Variants in IGLL1 observed in about 807,000 individuals in gnomAD.
The protein encoded by IGLL1 is immunoglobulin lambda like polypeptide 1.
A neutral mutation model predicts 10.5 loss-of-function variants in IGLL1; 10 were observed. The ratio of observed to expected loss-of-function variants is 0.95; its 90% confidence interval spans 0.59 to 1.62. The LOEUF (loss-of-function observed/expected upper bound fraction) is 1.62. Ranked by LOEUF, IGLL1 falls within the 40% of genes most tolerant of loss-of-function variation. The pLI, the probability that IGLL1 is intolerant of heterozygous loss-of-function variation, is 0.00. For missense variants in IGLL1, 284 were observed against 278.7 expected (o/e 1.02, Z -0.14); for synonymous variants, 141 against 122.7 (o/e 1.15, Z -0.99).
intron 1 of IGLL1, among the ~76,000 whole-genome samples, chr22:23,579,591 G>C (rs921285351): frequency 9.9e-5 from 15 of 151,876 alleles, no homozygotes; most frequent in African/African-American, 1.9e-4. Context: ...AAAAGAGGAG[G>C]GGGGGGAGGA....
intron 1 of IGLL1, among the ~76,000 whole-genome samples, chr22:23,579,145 C>A (rs1473847638): frequency 6.6e-6 from 1 of 151,958 alleles, no homozygotes; most frequent in African/African-American, 2.4e-5. Context: ...GGGCTCTATC[C>A]CCGTCTGCAC....
intron 1 of IGLL1, among the ~76,000 whole-genome samples, chr22:23,577,340 G>A (rs538704800): frequency 8.6e-5 from 13 of 151,634 alleles, no homozygotes; most frequent in African/African-American, 2.9e-4. Context: ...GCAGTTGGAG[G>A]CCAGCCCAGG....
intron 1 of IGLL1, among the ~76,000 whole-genome samples, chr22:23,577,784 C>T (rs1569071565): frequency 6.6e-6 from 1 of 152,102 alleles, no homozygotes; most frequent in Admixed American, 6.5e-5. Context: ...AATCCCGCCT[C>T]AGCCTCCCAA....
In IGLL1 at chr22:23,573,221, A is replaced by G; in HGVS notation, c.*45T>C. 1.9e-6 allele frequency: 3 copies of G among 1,587,740 alleles called. No homozygotes were observed. Among genetic ancestry groups the G allele is most frequent in the Non-Finnish European group, 2.6e-6 (3 of 1,156,552 alleles). On this transcript the variant is annotated 3_prime_UTR_variant, in exon 3 of 3. Transcript: ENST00000330377. ...TGCAGAGAGAGACCCTTCCCCTGGGATCCTGCAGCTCCAGGCCCCTTTGGG... is the reference window on the plus strand; with the variant it reads ...TGCAGAGAGAGACCCTTCCCCTGGGGTCCTGCAGCTCCAGGCCCCTTTGGG...
At chr22:23,574,141 G>GC (rs2095432123) in intron 2 of IGLL1, among the ~76,000 whole-genome samples, 2 of 141,346 alleles carry the variant, frequency 1.4e-5, no homozygotes, top group South Asian at 4.3e-4. Context: ...GGTTCTTGGG[G>GC]CTGCTCCCCC....
At position 23,573,580 on chromosome 22, in the gene IGLL1, G is replaced by T. The variant is rs751235681; in HGVS notation, c.328C>A (p.Pro110Thr). ...AGAGTGACCGAGGGGGTGGCCTTGG[G>T]CTGACCTGTGTGGACAGAGGAGGGG... ...SGTQLTVLSQ[P>T]KATPSVTLFP... Residue 110 changes from proline (P) to threonine (T), a missense_variant, in exon 3 of 3, where the codon CCC (proline) becomes ACC (threonine). By Grantham distance (38) the Pro-to-Thr change is conservative (BLOSUM62 -1). Transcript: ENST00000330377. The T allele has an allele frequency of 6.2e-7, 1 of 1,613,526 alleles. No homozygotes were observed. The highest frequency in any genetic ancestry group is 8.5e-7 in the Non-Finnish European group (1 of 1,179,536).
rs182583536 is a variant in IGLL1, at chr22:23,577,811, G to T, written c.206+2174C>A. ...GCCTCCCAAAGTTGTGGGATTACAG[G>T]CATGAGCCACTGCACCTGGCCCATA... On this transcript the variant is annotated intron_variant, in intron 1 of 2. Transcript: ENST00000330377. Among the ~76,000 whole-genome samples, 345 of 151,876 alleles carry T rather than the reference G, an allele frequency of 2.3e-3. 15 individuals are homozygous for T. The South Asian group carries it at 0.055, about 24-fold the overall frequency.
rs986435091 is a variant in IGLL1 at position 23,573,414 on chromosome 22, G to C, written c.494C>G (p.Pro165Arg). Residue 165 changes from proline (P) to arginine (R), a missense_variant, in exon 3 of 3, where the codon CCC becomes CGC. Coordinates refer to ENST00000330377, the MANE Select transcript of IGLL1 (RefSeq NM_020070.4). ...PITQGVEMTT[P>R]SKQSNNKYAA... Reference sequence around the variant, plus strand: ...GTACTTGTTGTTGCTCTGTTTGGAGGGCGTGGTCATCTCCACGCCCTGGGT... The same window carrying C: ...GTACTTGTTGTTGCTCTGTTTGGAGCGCGTGGTCATCTCCACGCCCTGGGT... 1 of 1,613,908 alleles carries C rather than the reference G, an allele frequency of 6.2e-7. No homozygotes were observed. Among genetic ancestry groups the C allele is most frequent in the African/African-American group, 1.3e-5 (1 of 74,900 alleles).
At chr22:23,579,872 C>A (rs979214309) in intron 1 of IGLL1, 113 bp downstream of exon 1, 1 of 790,376 alleles carries the variant, frequency 1.3e-6, no homozygotes, top group African/African-American at 1.7e-5. Context: ...GTCTGTGGCT[C>A]CCCTCCAGGG....
At chr22:23,578,523 C>T (rs1259031763) in intron 1 of IGLL1, among the ~76,000 whole-genome samples, 6 of 152,228 alleles carry the variant, frequency 3.9e-5, no homozygotes, top group Non-Finnish European at 7.3e-5. Flanking sequence ...ACCATGCTGA[C>T]CCCGCCTCCA....
In IGLL1 at chr22:23,580,034, C is replaced by A. The variant is rs1256867431; in HGVS notation, c.157G>T (p.Gly53Ter). Residue 53 changes from glycine to a stop codon, truncating the protein, a stop_gained, in exon 1 of 3, where the codon GGA (glycine) becomes TGA (stop). Coordinates refer to ENST00000330377, the MANE Select transcript of IGLL1 (RefSeq NM_020070.4). LOFTEE classifies it high-confidence loss of function. ...GACCGGCTGCTTCCTCCAGGGGCTC[C>A]AGGGCCCAGGGCCCTGCTCTGCGAT... ...AASQSRALGP[G>*]APGGSSRSSL... 1.3e-5 allele frequency: 20 copies of A among 1,577,426 alleles called. No individual in the cohort carries two copies. Among genetic ancestry groups the A allele is most frequent in the Non-Finnish European group, 1.7e-5 (20 of 1,165,020 alleles).
intron 1 of IGLL1, among the ~76,000 whole-genome samples, chr22:23,575,901 T>C (rs1475745948): frequency 1.6e-5 from 2 of 122,944 alleles, no homozygotes; most frequent in Non-Finnish European, 1.7e-5. Context: ...CCTCTTCCCC[T>C]GGCATCTGTT....
At position 23,573,434 on chromosome 22, in the gene IGLL1, C is replaced by A; in HGVS notation, c.474G>T (p.Gln158His). The change falls in exon 3 of 3, where the codon CAG becomes CAT. Residue 158 changes from glutamine (Q) to histidine (H), a missense_variant. Physicochemically the swap from Gln to His is conservative, Grantham distance 24. Transcript: ENST00000330377. ...TWKADGTPIT[Q>H]GVEMTTPSKQ... is the part of the protein sequence containing the mutation. ...TGGAGGGCGTGGTCATCTCCACGCC[C>A]TGGGTGATGGGGGTACCATCTGCCT... The A allele has an allele frequency of 1.2e-6, 2 of 1,614,012 alleles. No individual in the cohort carries two copies. Among genetic ancestry groups the A allele is most frequent in the Non-Finnish European group, 1.7e-6 (2 of 1,179,912 alleles).
chr22:23,574,904 G>T, intron 2 of IGLL1, 63 bp downstream of exon 2: 1 of 1,166,838 alleles, frequency 8.6e-7, no homozygotes, highest in South Asian at 1.2e-5. Context: ...GCCCCAGAGA[G>T]AGAAAACACA....
rs761897445 is a variant in IGLL1 at position 23,575,233 on chromosome 22, C to T, written c.207-151G>A. On this transcript the variant is annotated intron_variant, in intron 1 of 2. Transcript: ENST00000330377. ...AGGTGCTGCCCCAGCGTGTGTCCCC[C>T]TCTCTGAAACTGTTGGTGCTGATGG... 5.5e-6 allele frequency: 4 copies of T among 730,732 alleles called. No individual in the cohort carries two copies. The Middle Eastern group carries it at 7.2e-4, about 131-fold the overall frequency. 45.3% of individuals were successfully genotyped at this position (730,732 alleles called of 1,614,324 possible).
At position 23,573,496 on chromosome 22, in the gene IGLL1, T is replaced by C; in HGVS notation, c.412A>G (p.Asn138Asp). 2 of 1,613,856 alleles carry C rather than the reference T, an allele frequency of 1.2e-6. No homozygotes were observed. Among genetic ancestry groups the C allele is most frequent in the African/African-American group, 1.3e-5 (1 of 75,000 alleles). Residue 138 changes from asparagine (N) to aspartate (D), a missense_variant, in exon 3 of 3, where the codon AAT (asparagine) becomes GAT (aspartate). Transcript: ENST00000330377. ...GTCAAGATTCCCGGATAAAAGTCAT[T>C]CATGAGACACACCAGTGTAGCCTTG... is the stretch of plus-strand genomic sequence containing the variant. ...ANKATLVCLM[N>D]DFYPGILTVT...
chr22:23,579,000 ACT>A (rs1288099793), intron 1 of IGLL1, among the ~76,000 whole-genome samples: 1 of 151,640 alleles, frequency 6.6e-6, no homozygotes, highest in African/African-American at 2.4e-5. Context: ...AAAAAGGGAA[ACT>A]CAGGTCCCAG....
At chr22:23,578,628 G>C (rs1925178576) in intron 1 of IGLL1, among the ~76,000 whole-genome samples, 1 of 152,160 alleles carries the variant, frequency 6.6e-6, no homozygotes, top group African/African-American at 2.4e-5. Flanking sequence ...GACGCTGAAG[G>C]CCCTCACCAG....
At chr22:23,579,556 T>G (rs1386450652) in intron 1 of IGLL1, among the ~76,000 whole-genome samples, 4 of 114,100 alleles carry the variant, frequency 3.5e-5, no homozygotes, top group Non-Finnish European at 3.6e-5. Context: ...AGGGTGGGAG[T>G]GGACAGGTGA....
Sources: allele counts gnomAD v4.1 joint callset (sites outside exome capture counted in the v4.1 genomes callset), GRCh38; gene constraint gnomAD v4.1.1; transcripts MANE v1.5; gene names NCBI Gene and HGNC (gene_info 2026-07-23, HGNC 2026-07-21).